Variants in XRCC4 observed in about 807,000 individuals in gnomAD.
The protein encoded by XRCC4 is X-ray repair cross complementing 4, also known as DNA repair protein XRCC4.
A neutral mutation model predicts 39.1 loss-of-function variants in XRCC4; 28 were observed. The ratio of observed to expected loss-of-function variants is 0.72; its 90% CI spans 0.53 to 0.98. The LOEUF (loss-of-function observed/expected upper bound fraction) is 0.98. XRCC4 is among the 50% of genes least tolerant of loss of function. The pLI, the probability that XRCC4 is intolerant of heterozygous loss-of-function variation, is 0.00. For missense variants in XRCC4, 350 were observed against 376.4 expected, an observed-to-expected ratio of 0.93 and a Z score of 0.58; for synonymous variants, 123 against 126.4, an observed-to-expected ratio of 0.97 and a Z score of 0.18.
chr5:83,343,325 T>C (rs113568638), intron 7 of XRCC4, among the ~76,000 whole-genome samples: 33 of 152,258 alleles, frequency 2.2e-4, no homozygotes, highest in African/African-American at 5.8e-4. Context: ...TAGGCAGGAA[T>C]TGACCATTTG....
Position 83,207,301 on chromosome 5 carries a change from T to C in XRCC4, c.745+2380T>C, listed in dbSNP as rs568877387. The stretch of plus-strand genomic sequence containing the variant: ...AGAGGACTTTTATGTGTTCAGTCTA[T>C]TTTAAGTAAAACTTTAAGCTACAAT... On this transcript the variant is annotated intron_variant, in intron 6 of 7. Coordinates refer to ENST00000396027, the MANE Select transcript of XRCC4 (RefSeq NM_003401.5). Among the ~76,000 whole-genome samples the C allele has an allele frequency of 1.1e-4, 17 of 151,840 alleles. 1 individual carries two copies. Among genetic ancestry groups the C allele is most frequent in the Admixed American group, 6.6e-5 (1 of 15,240 alleles).
rs1170172555 is a variant in XRCC4 at position 83,319,036 on chromosome 5, C to G, written c.894-34095C>G. On this transcript the variant is annotated intron_variant, in intron 7 of 7. Coordinates refer to ENST00000396027, the MANE Select transcript of XRCC4 (RefSeq NM_003401.5). ...TAGATCAATGGAACAGAACAGAACC[C>G]TCAGAAATAATGCCGCATATCTACA... 4.5e-5 allele frequency among the ~76,000 whole-genome samples: 3 copies of G among 67,374 alleles called. 1 individual carries two copies. The highest frequency in any genetic ancestry group is 2.0e-4 in the African/African-American group (3 of 14,726). The allele number at this position is 67,374 out of a possible 152,430, so 44.2% of individuals were successfully genotyped here.
chr5:83,195,710 A>C, intron 3 of XRCC4, 60 bp from the exon 4 acceptor site: 1 of 1,445,600 alleles, frequency 6.9e-7, no homozygotes, highest in Non-Finnish European at 9.3e-7. Flanking sequence ...GTATGCTTAA[A>C]ACCAGGCTTC....
chr5:83,257,511 G>T (rs1033547014), intron 6 of XRCC4, among the ~76,000 whole-genome samples: 4 of 152,158 alleles, frequency 2.6e-5, no homozygotes, highest in African/African-American at 9.7e-5. Context: ...CAGTTAGAAT[G>T]GTGATCATTA....
chr5:83,134,801 A>G (rs1204833157), intron 3 of XRCC4, among the ~76,000 whole-genome samples: 1 of 152,142 alleles, frequency 6.6e-6, no homozygotes, highest in African/African-American at 2.4e-5. Flanking sequence ...ACTCACTGCG[A>G]AGTTCTGCAG....
chr5:83,095,996 A>G (rs138901150), intron 1 of XRCC4, among the ~76,000 whole-genome samples: 32 of 151,736 alleles, frequency 2.1e-4, no homozygotes, highest in Middle Eastern at 6.8e-3. Context: ...CACGAATCCC[A>G]GAAGTTCTTT....
chr5:83,182,827 T>C (rs926814749), intron 3 of XRCC4, among the ~76,000 whole-genome samples: 1 of 152,110 alleles, frequency 6.6e-6, no homozygotes, highest in African/African-American at 2.4e-5. Flanking sequence ...GACGGTGCCC[T>C]CTGTGAGGAA....
chr5:83,214,227 G>A (rs946348592), intron 6 of XRCC4, among the ~76,000 whole-genome samples: 2 of 152,106 alleles, frequency 1.3e-5, no homozygotes, highest in African/African-American at 2.4e-5. Flanking sequence ...AAGAAAATAA[G>A]ATAAAAGGTA....
intron 7 of XRCC4, among the ~76,000 whole-genome samples, chr5:83,264,412 CCTATGTTTTTAT>C (rs1418995240): frequency 6.6e-6 from 1 of 151,946 alleles, no homozygotes; most frequent in African/African-American, 2.4e-5. Flanking sequence ...ATATCTTCTT[CCTATGTTTTTAT>C]TATTAATGTT....
At chr5:83,201,660 A>G (rs1336947066) in intron 4 of XRCC4, 1 of 152,276 alleles carries the variant, frequency 6.6e-6, no homozygotes, top group Non-Finnish European at 1.5e-5. Context: ...CAAATTGGCC[A>G]TCACACTGAC....
At chr5:83,223,492 G>T (rs1168764850) in intron 6 of XRCC4, among the ~76,000 whole-genome samples, 1 of 148,034 alleles carries the variant, frequency 6.8e-6, no homozygotes, top group East Asian at 2.0e-4. Flanking sequence ...CAGTTTTTTT[G>T]TTTTGTTTTG....
intron 6 of XRCC4, among the ~76,000 whole-genome samples, chr5:83,245,367 A>G (rs1753062958): frequency 6.6e-6 from 1 of 152,174 alleles, no homozygotes; most frequent in African/African-American, 2.4e-5. Flanking sequence ...GAAGTGAGTT[A>G]TATGACCTTA....
intron 7 of XRCC4, among the ~76,000 whole-genome samples, chr5:83,287,055 T>C (rs1754760260): frequency 6.6e-6 from 1 of 152,112 alleles, no homozygotes; most frequent in Non-Finnish European, 1.5e-5. Context: ...TTCGTGTATG[T>C]TGTGTATCTA....
chr5:83,225,193 C>T (rs1752240296), intron 6 of XRCC4, among the ~76,000 whole-genome samples: 1 of 151,944 alleles, frequency 6.6e-6, no homozygotes, highest in Non-Finnish European at 1.5e-5. Context: ...TTTGGTGAGC[C>T]CCTGAAGCTT....
At chr5:83,353,039 T>A (rs1757124593) in intron 7 of XRCC4, 92 bp from the exon 8 acceptor site, 4 of 998,570 alleles carry the variant, frequency 4.0e-6, no homozygotes, top group Non-Finnish European at 5.9e-6. Flanking sequence ...AGGATTTAAC[T>A]GTCATTTCAC....
intron 3 of XRCC4, among the ~76,000 whole-genome samples, chr5:83,138,752 G>T (rs6452525): frequency 0.48 from 73,574 of 151,856 alleles, 18,778 homozygotes; most frequent in African/African-American, 0.63. Flanking sequence ...CTCCTTGTAA[G>T]AATGTGATAT....
At chr5:83,309,296 A>AAAATATATATATATATATATAT (rs1561467702) in intron 7 of XRCC4, among the ~76,000 whole-genome samples, 1 of 72,232 alleles carries the variant, frequency 1.4e-5, no homozygotes, top group Non-Finnish European at 2.1e-5. Flanking sequence ...AAAAAAAAAA[A>AAAATATATATATATATATATAT]ATATATATAT....
At chr5:83,174,423 C>G (rs1246165497) in intron 3 of XRCC4, among the ~76,000 whole-genome samples, 1 of 151,632 alleles carries the variant, frequency 6.6e-6, no homozygotes, top group Admixed American at 6.6e-5. Flanking sequence ...TTAATATAGA[C>G]TATATTGTCA....
intron 3 of XRCC4, among the ~76,000 whole-genome samples, chr5:83,120,725 G>T (rs955968116): frequency 2.0e-5 from 3 of 152,142 alleles, no homozygotes; most frequent in Non-Finnish European, 2.9e-5. Context: ...CATGAATAAA[G>T]CAGCTATATA....
Sources: gnomAD v4.1 joint callset for allele counts (sites outside exome capture counted in the v4.1 genomes callset) on GRCh38, gnomAD v4.1.1 for gene constraint, MANE v1.5 for transcripts, NCBI Gene and HGNC (gene_info 2026-07-23, HGNC 2026-07-21) for gene names.